Variants in CMSS1 observed in about 807,000 individuals in gnomAD.
CMSS1 encodes cms1 ribosomal small subunit homolog.
In CMSS1, 33 loss-of-function variants were observed where a neutral mutation model predicts 43.5. The ratio of observed to expected loss-of-function variants is 0.76; its 90% CI spans 0.57 to 1.01. The LOEUF (loss-of-function observed/expected upper bound fraction) is 1.01. Ranked by LOEUF, CMSS1 falls within the 50% of genes least tolerant of loss-of-function variation. CMSS1 has a pLI of 0.00. For synonymous variants in CMSS1, 115 were observed against 117.2 expected (o/e 0.98, Z 0.12); for missense variants, 313 against 326.4 (o/e 0.96, Z 0.32).
intron 1 of CMSS1, among the ~76,000 whole-genome samples, chr3:100,129,979 T>G (rs2066693379): frequency 6.6e-6 from 1 of 152,222 alleles, no homozygotes; most frequent in African/African-American, 2.4e-5. Context: ...GAAATGACTC[T>G]GTATATATTC....
At chr3:100,118,344 A>G (rs1272000728) in intron 1 of CMSS1, among the ~76,000 whole-genome samples, 7 of 152,068 alleles carry the variant, frequency 4.6e-5, no homozygotes, top group Admixed American at 4.6e-4. Flanking sequence ...TAGCATTGCT[A>G]TAGTATTGTA....
At chr3:99,826,653 T>G (rs1942541663) in intron 1 of CMSS1, among the ~76,000 whole-genome samples, 1 of 152,172 alleles carries the variant, frequency 6.6e-6, no homozygotes, top group Non-Finnish European at 1.5e-5. Flanking sequence ...GGAGAAGAAA[T>G]TTGAAACAAA....
chr3:100,078,346 T>TC (rs1342222245), intron 1 of CMSS1, among the ~76,000 whole-genome samples: 1 of 152,242 alleles, frequency 6.6e-6, no homozygotes, highest in Non-Finnish European at 1.5e-5. Context: ...AATTTTTTTT[T>TC]CTGTTACAGT....
At chr3:100,059,309 T>A (rs1471306041) in intron 1 of CMSS1, among the ~76,000 whole-genome samples, 1 of 152,248 alleles carries the variant, frequency 6.6e-6, no homozygotes, top group East Asian at 1.9e-4. Flanking sequence ...GAGGCTATAA[T>A]GGGACGAGCC....
intron 1 of CMSS1, among the ~76,000 whole-genome samples, chr3:99,957,195 C>G (rs2107696624): frequency 6.6e-6 from 1 of 152,234 alleles, no homozygotes; most frequent in Admixed American, 6.5e-5. Context: ...TCAGGGTGAT[C>G]TGATTTGGCA....
chr3:100,146,893 C>T (rs1050371333), intron 1 of CMSS1, 80 bp from the exon 2 acceptor site: 4 of 1,521,842 alleles, frequency 2.6e-6, no homozygotes, highest in Non-Finnish European at 3.5e-6. Flanking sequence ...GAGATAGAAC[C>T]TTCTAGAAAG....
At chr3:99,980,321 A>G (rs2107731465) in intron 1 of CMSS1, among the ~76,000 whole-genome samples, 1 of 152,212 alleles carries the variant, frequency 6.6e-6, no homozygotes, top group Admixed American at 6.5e-5. Context: ...CAGTTTGCTC[A>G]CCCGTAATCT....
At chr3:100,081,197 C>T (rs764515314) in intron 1 of CMSS1, among the ~76,000 whole-genome samples, 5 of 152,138 alleles carry the variant, frequency 3.3e-5, no homozygotes, top group Admixed American at 6.5e-5. Flanking sequence ...GGAACTTCAC[C>T]GAAGCCACCC....
intron 1 of CMSS1, among the ~76,000 whole-genome samples, chr3:99,974,601 G>A (rs1253373156): frequency 6.6e-6 from 1 of 151,992 alleles, no homozygotes; most frequent in Non-Finnish European, 1.5e-5. Flanking sequence ...CAGCTACTCG[G>A]GAGGCTGAGG....
chr3:99,872,665 A>T (rs909901054), intron 1 of CMSS1, among the ~76,000 whole-genome samples: 1 of 152,150 alleles, frequency 6.6e-6, no homozygotes, highest in Admixed American at 6.5e-5. Flanking sequence ...AGAGCATAGA[A>T]ATGTGAGGAC....
At chr3:99,925,523 T>G (rs1707263522) in intron 1 of CMSS1, among the ~76,000 whole-genome samples, 1 of 152,196 alleles carries the variant, frequency 6.6e-6, no homozygotes, top group Non-Finnish European at 1.5e-5. Context: ...TTGTTTTGTT[T>G]GGTCACACAT....
intron 1 of CMSS1, among the ~76,000 whole-genome samples, chr3:99,983,448 A>ATG (rs1283455729): frequency 6.1e-4 from 5 of 8,244 alleles, no homozygotes; most frequent in African/African-American, 2.5e-3. Context: ...ATATGTATGT[A>ATG]TATATATATA....
intron 1 of CMSS1, among the ~76,000 whole-genome samples, chr3:99,950,871 AAGAAAG>A (rs1239562685): frequency 2.0e-5 from 3 of 152,142 alleles, no homozygotes; most frequent in African/African-American, 7.2e-5. Context: ...GAGAGAGAGA[AAGAAAG>A]AGAGAAAAAC....
At chr3:100,058,737 G>T (rs1290053272) in intron 1 of CMSS1, among the ~76,000 whole-genome samples, 1 of 152,192 alleles carries the variant, frequency 6.6e-6, no homozygotes, top group Non-Finnish European at 1.5e-5. Context: ...CCACTCAGAG[G>T]CTTTTCAGTA....
intron 1 of CMSS1, among the ~76,000 whole-genome samples, chr3:99,880,233 C>T (rs568999583): frequency 6.6e-6 from 1 of 151,298 alleles, no homozygotes; most frequent in African/African-American, 2.4e-5. Flanking sequence ...CTTCACTCTT[C>T]TTTCACTCTT....
At chr3:100,120,590 G>C (rs958690054) in intron 1 of CMSS1, among the ~76,000 whole-genome samples, 9 of 152,168 alleles carry the variant, frequency 5.9e-5, no homozygotes, top group African/African-American at 2.2e-4. Flanking sequence ...ACCTAGCACT[G>C]TGCTAGGTCT....
In CMSS1 at chr3:100,178,720, G is replaced by T. The variant is rs1207331353; in HGVS notation, c.*332G>T. 1.5e-5 allele frequency: 3 copies of T among 196,464 alleles called. No homozygotes were observed. Among genetic ancestry groups the T allele is most frequent in the East Asian group, 2.5e-4 (2 of 7,958 alleles). 12.2% of individuals were successfully genotyped at this position (196,464 alleles called of 1,614,324 possible). On this transcript the variant is annotated 3_prime_UTR_variant, in exon 10 of 10. Transcript: ENST00000421999. Reference sequence around the variant, plus strand: ...CAAGCGTAAGGTCTTGCCTCTCTGAGCCCCATCTTATCAACTCAAAGTGGG... The same window carrying T: ...CAAGCGTAAGGTCTTGCCTCTCTGATCCCCATCTTATCAACTCAAAGTGGG...
At chr3:100,028,766 G>C (rs902856782) in intron 1 of CMSS1, among the ~76,000 whole-genome samples, 2 of 152,052 alleles carry the variant, frequency 1.3e-5, no homozygotes, top group African/African-American at 4.8e-5. Flanking sequence ...CCAAGAGTCA[G>C]TTCTTGTTTT....
intron 1 of CMSS1, among the ~76,000 whole-genome samples, chr3:99,947,137 CAAAA>C (rs397829321): frequency 2.3e-5 from 2 of 88,824 alleles, no homozygotes; most frequent in African/African-American, 4.7e-5. Context: ...GACTCTGTCT[CAAAA>C]AAAAAAAAAA....
Sources: gnomAD v4.1 joint callset for allele counts (sites outside exome capture counted in the v4.1 genomes callset) on GRCh38, gnomAD v4.1.1 for gene constraint, MANE v1.5 for transcripts, NCBI Gene and HGNC (gene_info 2026-07-23, HGNC 2026-07-21) for gene names.